The following COL22A1 variants were observed in gnomAD, a reference collection of about 807,000 sequenced individuals.
COL22A1 encodes collagen type XXII alpha 1 chain, also known as collagen alpha-1(XXII) chain.
Under a neutral mutation model 248.9 loss-of-function variants are expected in COL22A1, and 221 were observed. The observed-to-expected ratio is 0.89, with a 90% CI of 0.80 to 0.99. COL22A1 has a LOEUF of 0.99. Among genes scored for constraint, COL22A1 ranks in the 50% least tolerant of loss-of-function variants. The pLI, the probability that COL22A1 is intolerant of heterozygous loss-of-function variation, is 0.00. For synonymous variants in COL22A1, 891 were observed against 793.4 expected (o/e 1.12, Z -2.07); for missense variants, 2,240 against 2,179.0 (o/e 1.03, Z -0.56).
At chr8:138,783,880 C>T (rs951231711) in intron 12 of COL22A1, among the ~76,000 whole-genome samples, 6 of 152,162 alleles carry the variant, frequency 3.9e-5, no homozygotes, top group Non-Finnish European at 7.3e-5. Context: ...GATGATTCTC[C>T]ATGAGGCCCT....
At chr8:138,694,631 G>T in intron 33 of COL22A1, 70 bp from the exon 34 acceptor site, 1 of 1,534,976 alleles carries the variant, frequency 6.5e-7, no homozygotes, top group Non-Finnish European at 9.0e-7. Context: ...GATGGGGCGG[G>T]GACGTTGCAA....
At chr8:138,725,832 G>C (rs1010830622) in intron 23 of COL22A1, among the ~76,000 whole-genome samples, 1 of 151,674 alleles carries the variant, frequency 6.6e-6, no homozygotes, top group East Asian at 1.9e-4. Context: ...CCTTCCAGAA[G>C]AGTGCTTCTC....
In COL22A1 at chr8:138,746,288, C is replaced by A. The variant is rs1295805157; in HGVS notation, c.2085+5170G>T. Among the ~76,000 whole-genome samples, 11 of 152,296 alleles carry A rather than the reference C, an allele frequency of 7.2e-5. 1 individual carries two copies. In the South Asian group the frequency reaches 1.7e-3, roughly 23 times the overall value. On this transcript the variant is annotated intron_variant, in intron 22 of 64. Coordinates refer to ENST00000303045, the MANE Select transcript of COL22A1 (RefSeq NM_152888.3). ...AGCCTCGTCTCTTCCCTTGCACAGC[C>A]TGAGCATGTGCAGTGATGTTCAGGA...
chr8:138,655,645 G>A (rs952524899), intron 45 of COL22A1, among the ~76,000 whole-genome samples: 2 of 152,278 alleles, frequency 1.3e-5, no homozygotes, highest in Admixed American at 1.3e-4. Context: ...ATAGGGGTGA[G>A]CCACTGTGCC....
At chr8:138,630,329 A>G (rs570021124) in intron 50 of COL22A1, among the ~76,000 whole-genome samples, 1 of 152,312 alleles carries the variant, frequency 6.6e-6, no homozygotes, top group African/African-American at 2.4e-5. Context: ...CCATAGTCCT[A>G]GGTGAGTTAG....
chr8:138,652,252 C>A (rs1338281426), intron 45 of COL22A1, among the ~76,000 whole-genome samples: 7 of 152,206 alleles, frequency 4.6e-5, no homozygotes, highest in African/African-American at 1.4e-4. Context: ...CCACTTGAAC[C>A]TCTGTCCACC....
At chr8:138,660,919 C>CACACAGACACACACATAA (rs1823831912) in intron 43 of COL22A1, among the ~76,000 whole-genome samples, 1 of 146,464 alleles carries the variant, frequency 6.8e-6, no homozygotes, top group African/African-American at 2.7e-5. Context: ...TACACAGACA[C>CACACAGACACACACATAA]ACACACAGAC....
chr8:138,736,955 C>T (rs1039571095), intron 23 of COL22A1, among the ~76,000 whole-genome samples: 2 of 152,114 alleles, frequency 1.3e-5, no homozygotes, highest in Non-Finnish European at 2.9e-5. Context: ...TGATAGTGGC[C>T]GCCCTTTTGG....
chr8:138,726,496 T>TCCAAAAAAAAAAA (rs1830321140), intron 23 of COL22A1, among the ~76,000 whole-genome samples: 1 of 49,030 alleles, frequency 2.0e-5, no homozygotes, highest in African/African-American at 1.1e-4. Flanking sequence ...ATCCTGTATC[T>TCCAAAAAAAAAAA]ACAAAAAAAA....
chr8:138,776,141 C>A (rs1035947937), intron 15 of COL22A1, 131 bp from the exon 16 acceptor site: 2 of 827,618 alleles, frequency 2.4e-6, no homozygotes, highest in East Asian at 2.5e-5. Flanking sequence ...TAGTGAGGAC[C>A]CTGTCTCCCT....
At chr8:138,645,351 A>G (rs564085576) in intron 47 of COL22A1, among the ~76,000 whole-genome samples, 1 of 152,136 alleles carries the variant, frequency 6.6e-6, no homozygotes, top group Admixed American at 6.6e-5. Flanking sequence ...GGTCTTTGCT[A>G]TCTCATCCCT....
intron 42 of COL22A1, among the ~76,000 whole-genome samples, chr8:138,662,337 T>C (rs1372948154): frequency 6.6e-6 from 1 of 152,116 alleles, no homozygotes; most frequent in Non-Finnish European, 1.5e-5. Context: ...ACCCCATTTG[T>C]ATAGTTCCCT....
intron 30 of COL22A1, 87 bp downstream of exon 30, chr8:138,715,589 AAAAGAT>A: frequency 3.8e-6 from 3 of 789,376 alleles, no homozygotes; most frequent in Non-Finnish European, 4.0e-6. Flanking sequence ...AAAAAAAAAA[AAAAGAT>A]AGAGTATATT....
chr8:138,899,179 T>C (rs1814353950), intron 1 of COL22A1, among the ~76,000 whole-genome samples: 1 of 152,174 alleles, frequency 6.6e-6, no homozygotes, highest in African/African-American at 2.4e-5. Context: ...TCCCTGTTTT[T>C]ATCCTTCATT....
intron 15 of COL22A1, among the ~76,000 whole-genome samples, chr8:138,777,738 T>G (rs929809637): frequency 1.3e-5 from 2 of 152,232 alleles, no homozygotes; most frequent in African/African-American, 4.8e-5. Flanking sequence ...ATGGTACATA[T>G]GTGCTGCATT....
chr8:138,776,002 T>G lies in COL22A1; in HGVS notation c.1767A>C (p.Gln589His). The part of the protein sequence containing the change: ...PPGRVGAPGL[Q>H]GERGEKGTRG... ...GAGTTCCCTTTTCACCTCGTTCTCCTTGGAGACCCTGGGGGACAAAGAAAG... is the reference window on the plus strand; with the variant it reads ...GAGTTCCCTTTTCACCTCGTTCTCCGTGGAGACCCTGGGGGACAAAGAAAG... The change falls in exon 16 of 65, where the codon CAA (glutamine) becomes CAC (histidine). Residue 589 changes from glutamine (Q) to histidine (H), a missense_variant. Transcript: ENST00000303045. The G allele has an allele frequency of 6.2e-7, 1 of 1,614,124 alleles. No homozygotes were observed. Among genetic ancestry groups the G allele is most frequent in the South Asian group, 1.1e-5 (1 of 91,086 alleles).
At chr8:138,728,026 T>TTTTTTG (rs1385162055) in intron 23 of COL22A1, among the ~76,000 whole-genome samples, 4 of 152,188 alleles carry the variant, frequency 2.6e-5, no homozygotes, top group South Asian at 4.2e-4. Context: ...CAGGCAATGT[T>TTTTTTG]TTTTTGTTTT....
At chr8:138,649,195 C>T (rs1429358940) in intron 46 of COL22A1, among the ~76,000 whole-genome samples, 1 of 152,150 alleles carries the variant, frequency 6.6e-6, no homozygotes, top group African/African-American at 2.4e-5. Flanking sequence ...TCCCCATTGT[C>T]TACATGTTGA....
intron 42 of COL22A1, 115 bp from the exon 43 acceptor site, chr8:138,662,198 T>A (rs2130695712): frequency 1.2e-6 from 1 of 824,402 alleles, no homozygotes; most frequent in East Asian, 2.6e-5. Flanking sequence ...CTATGAGGAA[T>A]CTGATGCAAC....
Sources: allele counts gnomAD v4.1 joint callset (sites outside exome capture counted in the v4.1 genomes callset), GRCh38; gene constraint gnomAD v4.1.1; transcripts MANE v1.5; gene names NCBI Gene and HGNC (gene_info 2026-07-23, HGNC 2026-07-21).